TNRC18: variants seen among roughly 807,000 people sequenced by gnomAD.
TNRC18 encodes the protein trinucleotide repeat-containing gene 18 protein.
In TNRC18, 69 loss-of-function variants were observed where a neutral mutation model predicts 226.7. That is an observed-to-expected ratio of 0.30 (90% CI 0.25 to 0.37). TNRC18 has a LOEUF of 0.37. TNRC18 is among the 10% of genes least tolerant of loss of function. The pLI is 1.00. For synonymous variants in TNRC18, 2,449 were observed against 1,927.6 expected, an observed-to-expected ratio of 1.27 and a Z score of -7.09; for missense variants, 4,754 against 4,256.6, an observed-to-expected ratio of 1.12 and a Z score of -3.25.
intron 2 of TNRC18, among the ~76,000 whole-genome samples, chr7:5,400,199 T>C (rs1780987343): frequency 6.6e-6 from 1 of 152,104 alleles, no homozygotes; most frequent in Admixed American, 6.6e-5. Flanking sequence ...GCCTGGTCTA[T>C]GATTATTGTT....
Position 5,325,452 on chromosome 7 carries a change from C to G in TNRC18, c.6148-204G>C. The G allele has an allele frequency of 1.5e-5, 8 of 550,268 alleles. No individual in the cohort carries two copies. In the South Asian group the frequency reaches 1.8e-4, roughly 12 times the overall value. 34.1% of individuals were successfully genotyped at this position (550,268 alleles called of 1,614,324 possible). A position where few individuals can be genotyped will look rare whatever the true frequency, so the allele number is the denominator to read the frequency against. ...TGTTTTTTTTTTTTTGAGACGGAGTCTCGCTCTGTCACCGAGGCTGGAGCG... is the reference window on the plus strand; with the variant it reads ...TGTTTTTTTTTTTTTGAGACGGAGTGTCGCTCTGTCACCGAGGCTGGAGCG... On this transcript the variant is annotated intron_variant, in intron 19 of 29. Transcript: ENST00000430969.
intron 5 of TNRC18, among the ~76,000 whole-genome samples, chr7:5,385,426 T>C (rs1273372729): frequency 2.2e-5 from 3 of 138,316 alleles, no homozygotes; most frequent in Admixed American, 1.7e-4. Context: ...AAGCGGAGCT[T>C]GCAGTGAGCC....
At chr7:5,384,609 C>A (rs1349200815) in intron 5 of TNRC18, among the ~76,000 whole-genome samples, 1 of 151,996 alleles carries the variant, frequency 6.6e-6, no homozygotes, top group Non-Finnish European at 1.5e-5. Context: ...TGACCGTGAG[C>A]CCCCAACAAA....
At position 5,362,789 on chromosome 7, in the gene TNRC18, TC is replaced by T; in HGVS notation, c.4255del (p.Glu1419ArgfsTer11). ...GTGGCTGCCAGCTGCCAGCAGACTC[TC>T]CAGGGAGGGCCGCGCCACCAGGGCC... is the stretch of plus-strand genomic sequence containing the variant. Reference protein sequence around the residue: ...ERALVARPSLESLLAAGSHML... With the variant: ...ERALVARPSLXSLLAAGSHML... On this transcript the variant is annotated frameshift_variant, in exon 12 of 30. Coordinates refer to ENST00000430969, the MANE Select transcript of TNRC18 (RefSeq NM_001080495.3). LOFTEE classifies it high-confidence loss of function. 1 of 1,570,894 alleles carries T rather than the reference TC, an allele frequency of 6.4e-7. No homozygotes were observed. Among genetic ancestry groups the T allele is most frequent in the Non-Finnish European group, 8.6e-7 (1 of 1,158,548 alleles).
chr7:5,393,744 T>C (rs775078208), intron 3 of TNRC18, among the ~76,000 whole-genome samples: 9 of 152,032 alleles, frequency 5.9e-5, no homozygotes, highest in Non-Finnish European at 1.0e-4. Context: ...AAAATCAAAG[T>C]GAGGCTCTAG....
At chr7:5,367,166 A>C (rs1056113497) in intron 11 of TNRC18, among the ~76,000 whole-genome samples, 1 of 152,008 alleles carries the variant, frequency 6.6e-6, no homozygotes, top group African/African-American at 2.4e-5. Context: ...GGAGTTCAAG[A>C]CCAGCATGGC....
At chr7:5,404,286 G>A (rs2128212120) in intron 2 of TNRC18, among the ~76,000 whole-genome samples, 1 of 152,102 alleles carries the variant, frequency 6.6e-6, no homozygotes, top group East Asian at 2.0e-4. Flanking sequence ...CCGGAGAACT[G>A]CTTGAACCTG....
intron 19 of TNRC18, among the ~76,000 whole-genome samples, chr7:5,330,359 AGGT>A (rs1223744034): frequency 1.3e-5 from 2 of 151,116 alleles, no homozygotes; most frequent in Non-Finnish European, 2.9e-5. Context: ...CTTCCAGAGT[AGGT>A]GGGACTATAG....
intron 11 of TNRC18, among the ~76,000 whole-genome samples, chr7:5,365,928 G>A (rs1394195622): frequency 1.3e-5 from 2 of 152,064 alleles, no homozygotes; most frequent in Non-Finnish European, 2.9e-5. Flanking sequence ...AAAACTAGCC[G>A]GGCCTGGTGG....
chr7:5,360,831 GAGA>G (rs747171537), intron 14 of TNRC18, among the ~76,000 whole-genome samples: 59 of 152,268 alleles, frequency 3.9e-4, no homozygotes, highest in Admixed American at 1.6e-3. Context: ...GTTTTATCCT[GAGA>G]AGAACTGTGG....
In TNRC18 at chr7:5,383,238, G is replaced by A. The variant is rs527860156; in HGVS notation, c.2152+4434C>T. Among the ~76,000 whole-genome samples the A allele has an allele frequency of 5.3e-5, 8 of 152,224 alleles. No homozygotes were observed. The South Asian group carries it at 1.0e-3, about 20-fold the overall frequency. ...TTATCGTTCTTAGCTTCTTGGGCAT[G>A]GGGGCTCTGACTGCGTGGGGCTCAC... On this transcript the variant is annotated intron_variant, in intron 5 of 29. Transcript: ENST00000430969.
chr7:5,379,400 GA>G (rs34098204), intron 5 of TNRC18, among the ~76,000 whole-genome samples: 25,909 of 136,582 alleles, frequency 0.19, 2,423 homozygotes, highest in Middle Eastern at 0.24. Flanking sequence ...AGACTCTAAA[GA>G]AAAAAAAAAA....
At chr7:5,352,340 T>C (rs1791917998) in intron 16 of TNRC18, among the ~76,000 whole-genome samples, 1 of 151,250 alleles carries the variant, frequency 6.6e-6, no homozygotes, top group Non-Finnish European at 1.5e-5. Context: ...ACCCAGGCCC[T>C]TCCTAGACTG....
Position 5,389,012 on chromosome 7 carries a change from G to A in TNRC18, c.812C>T (p.Thr271Ile). The change falls in exon 5 of 30, where the codon ACC becomes ATC. Residue 271 changes from threonine (T) to isoleucine (I), a missense_variant. Coordinates refer to ENST00000430969, the MANE Select transcript of TNRC18 (RefSeq NM_001080495.3). ...RLSPFLAESK[T>I]KNAALQPSVL... ...CGACGGCTGCAGCGCCGCATTCTTG[G>A]TCTTGGACTCAGCCAGGAAGGGCGA... The A allele has an allele frequency of 7.5e-7, 1 of 1,341,318 alleles. No individual in the cohort carries two copies. Among genetic ancestry groups the A allele is most frequent in the Non-Finnish European group, 9.6e-7 (1 of 1,037,812 alleles). The allele number at this position is 1,341,318 out of a possible 1,614,324, so 83.1% of individuals were successfully genotyped here.
intron 17 of TNRC18, among the ~76,000 whole-genome samples, chr7:5,348,390 T>C (rs548525319): frequency 3.9e-5 from 6 of 152,180 alleles, no homozygotes; most frequent in East Asian, 3.9e-4. Flanking sequence ...ACCAGACCCT[T>C]TCTCTCCAGG....
intron 18 of TNRC18, among the ~76,000 whole-genome samples, chr7:5,335,787 G>C (rs34148494): frequency 0.012 from 1,779 of 143,574 alleles, 16 homozygotes; most frequent in South Asian, 0.022. Flanking sequence ...TGGACTTCAA[G>C]TCCCACCAAG....
chr7:5,309,004 C>T lies in TNRC18; in HGVS notation c.8626-55G>A, dbSNP rs1786912987. On this transcript the variant is annotated intron_variant, in intron 28 of 29. Transcript: ENST00000430969. The surrounding 1 kb of genome is among the most constrained non-coding windows in gnomAD (Gnocchi z 5.7). ...TGAGCCCGGGGGCTGCTGCACCCGA[C>T]CCCAGGCCCCAGGACAGGGCTGACC... 1.3e-6 allele frequency: 2 copies of T among 1,546,946 alleles called. No individual in the cohort carries two copies. The highest frequency in any genetic ancestry group is 2.4e-5 in the South Asian group (2 of 85,098).
chr7:5,376,172 C>T lies in TNRC18; in HGVS notation c.2661G>A (p.Pro887=), dbSNP rs771530769. Residue 887 remains proline, a synonymous_variant, in exon 9 of 30, where the codon CCG becomes CCA. Transcript: ENST00000430969. ...CGTGGTGCAGGGGGCTGCGGCCCGG[C>T]GGGTACAGGGCGGGCCAGAGGGGCG... is the stretch of plus-strand genomic sequence containing the variant. ...TVPPLWPALY[P]PGRSPLHHAQ... 8.9e-6 allele frequency: 14 copies of T among 1,573,398 alleles called. No homozygotes were observed. Among genetic ancestry groups the T allele is most frequent in the South Asian group, 5.8e-5 (5 of 85,538 alleles).
At chr7:5,379,530 A>G (rs1230282416) in intron 5 of TNRC18, among the ~76,000 whole-genome samples, 1 of 138,386 alleles carries the variant, frequency 7.2e-6, no homozygotes, top group Non-Finnish European at 1.5e-5. Context: ...CCCTATAGCC[A>G]GCCCCTGAGT....
Sources: allele counts gnomAD v4.1 joint callset (sites outside exome capture counted in the v4.1 genomes callset), GRCh38; gene constraint gnomAD v4.1.1; non-coding constraint Gnocchi (gnomAD v3.1); transcripts MANE v1.5; gene names NCBI Gene and HGNC (gene_info 2026-07-23, HGNC 2026-07-21).